Variants in DSTYK observed in about 807,000 individuals in gnomAD.
The protein encoded by DSTYK is dual serine/threonine and tyrosine protein kinase.
In DSTYK, 34 loss-of-function variants were observed where a neutral mutation model predicts 98.7. The ratio of observed to expected loss-of-function variants is 0.34; its 90% CI spans 0.26 to 0.46. The LOEUF is 0.46. Ranked by LOEUF, DSTYK falls within the 20% of genes least tolerant of loss-of-function variation. The pLI, the probability that DSTYK is intolerant of heterozygous loss-of-function variation, is 1.00. For synonymous variants in DSTYK, 462 were observed against 457.3 expected (o/e 1.01, Z -0.13); for missense variants, 962 against 1,181.7 (o/e 0.81, Z 2.73).
intron 11 of DSTYK, 37 bp from the exon 12 acceptor site, chr1:205,148,376 G>C (rs553532962): frequency 6.2e-7 from 1 of 1,608,912 alleles, no homozygotes; most frequent in South Asian, 1.1e-5. Context: ...ATGAGCCACA[G>C]AGAGTCAGGC....
chr1:205,210,893 A>C (rs1216670940), intron 1 of DSTYK, among the ~76,000 whole-genome samples: 1 of 152,218 alleles, frequency 6.6e-6, no homozygotes, highest in Non-Finnish European at 1.5e-5. Flanking sequence ...GCTCTGACCC[A>C]CAACGGCGCA....
chr1:205,203,601 A>G, intron 1 of DSTYK, among the ~76,000 whole-genome samples: 1 of 129,432 alleles, frequency 7.7e-6, no homozygotes, highest in African/African-American at 3.2e-5. Flanking sequence ...GAGGGGGCAG[A>G]ATTTCCCAAT....
At chr1:205,207,608 T>G (rs1659242203) in intron 1 of DSTYK, among the ~76,000 whole-genome samples, 1 of 149,584 alleles carries the variant, frequency 6.7e-6, no homozygotes, top group Non-Finnish European at 1.5e-5. Flanking sequence ...AAAACAAAAT[T>G]AGCTGGGCCT....
chr1:205,178,019 T>A (rs982153739), intron 2 of DSTYK, among the ~76,000 whole-genome samples: 1 of 152,144 alleles, frequency 6.6e-6, no homozygotes, highest in African/African-American at 2.4e-5. Flanking sequence ...CAGAGTTTTA[T>A]CCCAGTAGTC....
intron 12 of DSTYK, among the ~76,000 whole-genome samples, 170 bp from the exon 13 acceptor site, chr1:205,147,915 TAAA>T (rs35284794): frequency 6.9e-6 from 1 of 144,464 alleles, no homozygotes; most frequent in Non-Finnish European, 1.5e-5. Context: ...TAAGAGCAAT[TAAA>T]AAAAAAAAGA....
rs116434914 is a variant in DSTYK, at chr1:205,195,770, G to A, written c.266-7964C>T. ...TATTGGCACCGGGGGAGAGGAGACC[G>A]CCTCCCTAGGGGCTGATACTCCCTG... On this transcript the variant is annotated intron_variant, in intron 1 of 12. Transcript: ENST00000367162. Among the ~76,000 whole-genome samples the A allele has an allele frequency of 1.6e-3, 248 of 152,294 alleles. 1 individual carries two copies. Among genetic ancestry groups the A allele is most frequent in the African/African-American group, 5.6e-3 (232 of 41,554 alleles).
chr1:205,208,390 T>C (rs1659269335), intron 1 of DSTYK, among the ~76,000 whole-genome samples: 1 of 152,212 alleles, frequency 6.6e-6, no homozygotes, highest in African/African-American at 2.4e-5. Flanking sequence ...TTACCATACT[T>C]ATACTCCAAT....
intron 1 of DSTYK, among the ~76,000 whole-genome samples, chr1:205,197,480 A>C (rs1234391398): frequency 2.0e-5 from 3 of 152,292 alleles, no homozygotes; most frequent in Non-Finnish European, 2.9e-5. Flanking sequence ...CGCAACACTT[A>C]CGTATGTTTG....
rs557746616 is a variant in DSTYK at position 205,147,368 on chromosome 1, T to G, written c.*190A>C. On this transcript the variant is annotated 3_prime_UTR_variant, in exon 13 of 13. Transcript: ENST00000367162. ...ATAGCTTGGCGCTTCAGTGAGCTGC[T>G]GAATATGCTCAGTCATTCAACTCTT... is the stretch of plus-strand genomic sequence containing the variant. 2.0e-6 allele frequency: 1 copy of G among 503,832 alleles called. No homozygotes were observed. The highest frequency in any genetic ancestry group is 3.4e-6 in the Non-Finnish European group (1 of 291,898). The allele number at this position is 503,832 out of a possible 1,614,324, so 31.2% of individuals were successfully genotyped here.
rs113524415 is a variant in DSTYK at position 205,196,758 on chromosome 1, A to ATTTTT, written c.266-8957_266-8953dup. 1.4e-4 allele frequency among the ~76,000 whole-genome samples: 15 copies of ATTTTT among 109,866 alleles called. 1 individual carries two copies. Among genetic ancestry groups the ATTTTT allele is most frequent in the East Asian group, 5.8e-4 (2 of 3,434 alleles). 72.1% of individuals were successfully genotyped at this position (109,866 alleles called of 152,430 possible). A position where few individuals can be genotyped will look rare whatever the true frequency, so the allele number is the denominator to read the frequency against. On this transcript the variant is annotated intron_variant, in intron 1 of 12. Coordinates refer to ENST00000367162, the MANE Select transcript of DSTYK (RefSeq NM_015375.3). Reference sequence around the variant, plus strand: ...TCAACTGCAAAGCAAAAAATGGTGAATTTTTTTTTTTTTTTTTTTTTTTGA... The same window carrying ATTTTT: ...TCAACTGCAAAGCAAAAAATGGTGAATTTTTTTTTTTTTTTTTTTTTTTTTTTTGA...
chr1:205,169,791 G>A lies in DSTYK; in HGVS notation c.696C>T (p.Pro232=). Residue 232 remains proline (P), a synonymous_variant, in exon 3 of 13, where the codon CCC becomes CCT. Transcript: ENST00000367162. The surrounding 1 kb of genome is among the most constrained non-coding windows in gnomAD (Gnocchi z 4.0). ...CCAAGTCACCCAGAACATCCACTGT[G>A]GGCCGGAGGCCTTGGCATGGTGCTA... ...VVVAPCQGLR[P]TVDVLGDLVN... is the part of the protein sequence containing the mutation. The A allele has an allele frequency of 6.2e-7, 1 of 1,614,090 alleles. No homozygotes were observed. The highest frequency in any genetic ancestry group is 1.1e-5 in the South Asian group (1 of 91,080).
chr1:205,154,282 T>G (rs1411415039), intron 10 of DSTYK, among the ~76,000 whole-genome samples: 1 of 152,186 alleles, frequency 6.6e-6, no homozygotes, highest in Non-Finnish European at 1.5e-5. Context: ...TCACACACCA[T>G]CTTTCACCAT....
At chr1:205,157,457 CAT>C (rs931781686) in intron 9 of DSTYK, 71 bp from the exon 10 acceptor site, 1 of 1,260,546 alleles carries the variant, frequency 7.9e-7, no homozygotes, top group South Asian at 1.2e-5. Context: ...TACTAGGGCA[CAT>C]GAGGACAGAA....
At chr1:205,197,051 C>A (rs1486786968) in intron 1 of DSTYK, among the ~76,000 whole-genome samples, 3 of 151,712 alleles carry the variant, frequency 2.0e-5, no homozygotes, top group Non-Finnish European at 4.4e-5. Flanking sequence ...AGGCATGAGC[C>A]ACTGCGCCTG....
rs1657271733 is a variant in DSTYK at position 205,147,524 on chromosome 1, A to AT, written c.*33dup. The AT allele has an allele frequency of 6.3e-7, 1 of 1,587,254 alleles. No homozygotes were observed. Among genetic ancestry groups the AT allele is most frequent in the African/African-American group, 1.3e-5 (1 of 74,362 alleles). On this transcript the variant is annotated 3_prime_UTR_variant, in exon 13 of 13. Coordinates refer to ENST00000367162, the MANE Select transcript of DSTYK (RefSeq NM_015375.3). ...TGGCCAAAAGGTGAGGGGGAAGGAA[A>AT]TAACTAGAGAGTGAAAGAGAAAGGT...
chr1:205,159,507 C>A (rs539016097), intron 9 of DSTYK, 40 bp downstream of exon 9: 1 of 1,585,372 alleles, frequency 6.3e-7, no homozygotes, highest in Non-Finnish European at 8.6e-7. Flanking sequence ...GAAAGGAACC[C>A]GTGGATTTGG....
intron 2 of DSTYK, among the ~76,000 whole-genome samples, chr1:205,184,435 G>A (rs150183600): frequency 2.3e-3 from 349 of 152,040 alleles, no homozygotes; most frequent in African/African-American, 8.0e-3. Flanking sequence ...AGTCGAGTGT[G>A]GTGGCAGGCG....
At chr1:205,210,570 C>T (rs978018682) in intron 1 of DSTYK, among the ~76,000 whole-genome samples, 3 of 152,170 alleles carry the variant, frequency 2.0e-5, no homozygotes, top group Non-Finnish European at 4.4e-5. Flanking sequence ...CTGGCACATC[C>T]TAGAAAGAAT....
chr1:205,152,891 C>A (rs1657445818), intron 10 of DSTYK, among the ~76,000 whole-genome samples: 1 of 152,166 alleles, frequency 6.6e-6, no homozygotes, highest in South Asian at 2.1e-4. Context: ...TTGCTGTTTT[C>A]ATCTTTGCAT....
Sources: gnomAD v4.1 joint callset for allele counts (sites outside exome capture counted in the v4.1 genomes callset) on GRCh38, gnomAD v4.1.1 for gene constraint, Gnocchi (gnomAD v3.1) non-coding constraint, MANE v1.5 for transcripts, NCBI Gene and HGNC (gene_info 2026-07-23, HGNC 2026-07-21) for gene names.